Variants in FOXP1 observed in about 807,000 individuals in gnomAD.
The protein encoded by FOXP1 is forkhead box P1.
A neutral mutation model predicts 98.2 loss-of-function variants in FOXP1; 15 were observed. The observed-to-expected ratio is 0.15, with a 90% confidence interval of 0.10 to 0.24. The LOEUF is 0.24. Among genes scored for constraint, FOXP1 ranks in the 10% least tolerant of loss-of-function variants. The probability of loss-of-function intolerance (pLI) is 1.00; values close to 1 mark genes in which losing one functional copy is unlikely to be tolerated. For missense variants in FOXP1, 633 were observed against 848.5 expected (o/e 0.75, Z 3.15); for synonymous variants, 371 against 314.5 (o/e 1.18, Z -1.90).
chr3:71,000,301 T>TTA (rs3060664), intron 13 of FOXP1, among the ~76,000 whole-genome samples: 38 of 149,964 alleles, frequency 2.5e-4, no homozygotes, highest in Admixed American at 8.7e-4. Flanking sequence ...ATACTAGATT[T>TTA]TATATATATA....
intron 7 of FOXP1, among the ~76,000 whole-genome samples, chr3:71,070,193 A>T (rs1455511298): frequency 6.6e-6 from 1 of 152,242 alleles, no homozygotes; most frequent in Non-Finnish European, 1.5e-5. Flanking sequence ...GGGGGGAGAA[A>T]GGGGGACACC....
At chr3:70,973,835 G>GGCCCCCCCC (rs2036889825) in intron 17 of FOXP1, among the ~76,000 whole-genome samples, 1 of 36,692 alleles carries the variant, frequency 2.7e-5, no homozygotes, top group African/African-American at 8.2e-5. Context: ...TTTGCACACC[G>GGCCCCCCCC]CCCCCCCCCC....
chr3:71,297,457 G>C (rs1207485964), intron 5 of FOXP1, among the ~76,000 whole-genome samples: 2 of 112,568 alleles, frequency 1.8e-5, no homozygotes, highest in African/African-American at 6.7e-5. Flanking sequence ...TATTGAATCA[G>C]AAGAAAAATA....
chr3:71,400,206 T>C (rs995655125), intron 3 of FOXP1, among the ~76,000 whole-genome samples: 2 of 152,206 alleles, frequency 1.3e-5, no homozygotes, highest in Non-Finnish European at 2.9e-5. Flanking sequence ...GTAAATCTTA[T>C]TGATATCATT....
chr3:71,269,327 T>C (rs1158312123), intron 5 of FOXP1, among the ~76,000 whole-genome samples: 1 of 151,880 alleles, frequency 6.6e-6, no homozygotes, highest in Non-Finnish European at 1.5e-5. Context: ...TGGAAAGTAA[T>C]AAGATAGCTA....
chr3:71,009,036 G>C (rs764303962), intron 12 of FOXP1, among the ~76,000 whole-genome samples: 1 of 151,306 alleles, frequency 6.6e-6, no homozygotes, highest in South Asian at 2.1e-4. Context: ...CAGAAGACCA[G>C]AAAGCTGTTA....
At chr3:71,120,913 C>CAAG (rs1172194225) in intron 6 of FOXP1, among the ~76,000 whole-genome samples, 1 of 152,088 alleles carries the variant, frequency 6.6e-6, no homozygotes, top group African/African-American at 2.4e-5. Context: ...TTTTCTTTTA[C>CAAG]TTTAATGTTT....
At chr3:71,528,251 A>G (rs1283306683) in intron 2 of FOXP1, among the ~76,000 whole-genome samples, 1 of 152,246 alleles carries the variant, frequency 6.6e-6, no homozygotes. Context: ...ACAAGTAGAA[A>G]GAATTCCCTA....
rs56078545 is a variant in FOXP1, at chr3:71,247,803, G to C, written c.-11-49411C>G. On this transcript the variant is annotated intron_variant, in intron 5 of 20. Transcript: ENST00000649528. ...TCCAGAGGGTGGAGCCATAACCCAA[G>C]TCTGACCAATCAGTGAGTTCTGCTC... Among the ~76,000 whole-genome samples, 603 of 152,318 alleles carry C rather than the reference G, an allele frequency of 4.0e-3. 6 individuals are homozygous for C. The highest frequency in any genetic ancestry group is 0.037 in the Middle Eastern group (11 of 294).
chr3:71,005,729 C>A (rs2042727919), intron 12 of FOXP1, among the ~76,000 whole-genome samples: 2 of 152,062 alleles, frequency 1.3e-5, no homozygotes, highest in South Asian at 2.1e-4. Flanking sequence ...ATTTAAAAAA[C>A]CTTCCAAAAA....
At chr3:71,152,333 A>G (rs576806507) in intron 6 of FOXP1, among the ~76,000 whole-genome samples, 10 of 152,316 alleles carry the variant, frequency 6.6e-5, no homozygotes, top group African/African-American at 1.4e-4. Flanking sequence ...CCCTGAGTAC[A>G]GATTTGTGAG....
chr3:71,389,254 C>CGGGGGGGGGGGGGGTGGGGGG (rs1560413261), intron 3 of FOXP1, among the ~76,000 whole-genome samples: 1 of 6,062 alleles, frequency 1.6e-4, no homozygotes, highest in Non-Finnish European at 3.3e-4. Context: ...GGGGGGGGGC[C>CGGGGGGGGGGGGGGTGGGGGG]GGGGGGGGCG....
intron 6 of FOXP1, among the ~76,000 whole-genome samples, chr3:71,154,237 G>A (rs1288748968): frequency 2.0e-5 from 3 of 151,902 alleles, no homozygotes; most frequent in African/African-American, 7.3e-5. Flanking sequence ...GGTGTGGTGA[G>A]AACATTTGAA....
At chr3:71,119,811 A>C (rs1187764922) in intron 6 of FOXP1, among the ~76,000 whole-genome samples, 1 of 152,218 alleles carries the variant, frequency 6.6e-6, no homozygotes, top group African/African-American at 2.4e-5. Flanking sequence ...AAAAAAGAAA[A>C]AGAAAGAAAT....
chr3:71,112,600 T>C lies in FOXP1; in HGVS notation c.218A>G (p.Gln73Arg). The C allele has an allele frequency of 6.2e-7, 1 of 1,614,154 alleles. No individual in the cohort carries two copies. The highest frequency in any genetic ancestry group is 1.1e-5 in the South Asian group (1 of 91,086). ...QVARQLLLQQ[Q>R]QQQQVSGLKS... Reference sequence around the variant, plus strand: ...TAATCCACTAACTTGCTGCTGCTGTTGCTGCTGAAGAAGGAGCTGTCTTGC... The same window carrying C: ...TAATCCACTAACTTGCTGCTGCTGTCGCTGCTGAAGAAGGAGCTGTCTTGC... Residue 73 changes from glutamine to arginine, a missense_variant, in exon 7 of 21, where the codon CAA becomes CGA. Gln to Arg is a conservative substitution (Grantham distance 43, BLOSUM62 1). Transcript: ENST00000649528.
intron 6 of FOXP1, among the ~76,000 whole-genome samples, chr3:71,161,264 A>T (rs1522169): frequency 0.32 from 49,269 of 152,020 alleles, 8,627 homozygotes; most frequent in East Asian, 0.69. Context: ...GGCTGGGCTC[A>T]GCTAGGCGAT....
intron 6 of FOXP1, among the ~76,000 whole-genome samples, chr3:71,171,497 G>A (rs1288240088): frequency 3.3e-5 from 5 of 152,120 alleles, no homozygotes; most frequent in Non-Finnish European, 5.9e-5. Context: ...TCCCGCTCCC[G>A]GCTCTGTCAT....
intron 7 of FOXP1, among the ~76,000 whole-genome samples, chr3:71,067,120 A>C (rs1303312343): frequency 7.4e-6 from 1 of 135,170 alleles, no homozygotes; most frequent in African/African-American, 3.1e-5. Context: ...GAGGTGACAA[A>C]AGAGAGAGGG....
At chr3:71,247,511 G>C (rs1222081620) in intron 5 of FOXP1, among the ~76,000 whole-genome samples, 1 of 152,206 alleles carries the variant, frequency 6.6e-6, no homozygotes, top group Non-Finnish European at 1.5e-5. Context: ...GAAGAAGAGA[G>C]AGGTGTGCTG....
Sources: allele counts gnomAD v4.1 joint callset (sites outside exome capture counted in the v4.1 genomes callset), GRCh38; gene constraint gnomAD v4.1.1; transcripts MANE v1.5; gene names NCBI Gene and HGNC (gene_info 2026-07-23, HGNC 2026-07-21).